LYST: variants seen among roughly 807,000 people sequenced by gnomAD.
The protein encoded by LYST is lysosomal-trafficking regulator.
A neutral mutation model predicts 413.6 loss-of-function variants in LYST; 192 were observed. That is an observed-to-expected ratio of 0.46 (90% confidence interval 0.41 to 0.52). The LOEUF (loss-of-function observed/expected upper bound fraction) is 0.52. LYST is among the 20% of genes least tolerant of loss of function. The probability of loss-of-function intolerance (pLI) is 0.00; values close to 1 mark genes in which losing one functional copy is unlikely to be tolerated. For missense variants in LYST, 3,815 were observed against 4,499.9 expected (o/e 0.85, Z 4.35); for synonymous variants, 1,525 against 1,567.3 (o/e 0.97, Z 0.64).
intron 1 of LYST, among the ~76,000 whole-genome samples, chr1:235,858,060 T>C (rs7550178): frequency 0.062 from 9,368 of 152,252 alleles, 961 homozygotes; most frequent in African/African-American, 0.21. Context: ...ACAGAAGCTA[T>C]ATATTCTGGG....
chr1:235,668,026 T>G (rs1658638956), intron 50 of LYST, among the ~76,000 whole-genome samples: 1 of 152,116 alleles, frequency 6.6e-6, no homozygotes, highest in Admixed American at 6.6e-5. Flanking sequence ...AAGTGCTATA[T>G]AAATAGTTGT....
At chr1:235,679,354 T>C (rs1659630107) in intron 48 of LYST, among the ~76,000 whole-genome samples, 1 of 152,094 alleles carries the variant, frequency 6.6e-6, no homozygotes, top group Admixed American at 6.6e-5. Context: ...AATTCCCTGC[T>C]CTAAAGGACC....
At chr1:235,849,377 A>G (rs1390277953) in intron 1 of LYST, among the ~76,000 whole-genome samples, 1 of 152,172 alleles carries the variant, frequency 6.6e-6, no homozygotes, top group Non-Finnish European at 1.5e-5. Context: ...TAATGTAATA[A>G]AAGCCCTCTA....
At chr1:235,663,733 C>T (rs555793172) in intron 52 of LYST, among the ~76,000 whole-genome samples, 1 of 152,286 alleles carries the variant, frequency 6.6e-6, no homozygotes, top group South Asian at 2.1e-4. Flanking sequence ...CTCTATGATT[C>T]CAGAGACACA....
intron 50 of LYST, among the ~76,000 whole-genome samples, chr1:235,672,280 C>G (rs766281686): frequency 6.6e-5 from 10 of 152,036 alleles, no homozygotes; most frequent in Non-Finnish European, 1.3e-4. Context: ...AGGGAATAAC[C>G]ATGACTTTGG....
chr1:235,793,022 T>C (rs1182843778), intron 11 of LYST, among the ~76,000 whole-genome samples: 1 of 152,164 alleles, frequency 6.6e-6, no homozygotes, highest in Non-Finnish European at 1.5e-5. Flanking sequence ...TTTTCTGTCT[T>C]ATTTGCTTAT....
intron 28 of LYST, among the ~76,000 whole-genome samples, chr1:235,749,028 A>G (rs1666199820): frequency 6.6e-6 from 1 of 152,182 alleles, no homozygotes; most frequent in South Asian, 2.1e-4. Flanking sequence ...ACACCTAAAC[A>G]TTTATCAGTA....
At chr1:235,728,697 C>T (rs866360076) in intron 37 of LYST, among the ~76,000 whole-genome samples, 3 of 152,198 alleles carry the variant, frequency 2.0e-5, no homozygotes, top group East Asian at 1.9e-4. Context: ...TCTGAGGTTC[C>T]GCCCCCTGCA....
At chr1:235,785,787 T>C (rs1473212069) in intron 14 of LYST, among the ~76,000 whole-genome samples, 1 of 152,216 alleles carries the variant, frequency 6.6e-6, no homozygotes, top group African/African-American at 2.4e-5. Flanking sequence ...CTATCTTCTT[T>C]CATGCTACTT....
chr1:235,868,083 C>G (rs961750033), upstream of LYST, among the ~76,000 whole-genome samples: 4 of 152,296 alleles, frequency 2.6e-5, no homozygotes, highest in East Asian at 7.7e-4. Flanking sequence ...AATATGTCTT[C>G]TCTGACGTCT....
rs1658035676 is a variant in LYST, at chr1:235,661,367, C to T, written c.*1573G>A. ...AAAGTTCTCAGTAAAAAAATGAAAGCTAGACAATAGCTGCAATTTTTTGTT... is the reference window on the plus strand; with the variant it reads ...AAAGTTCTCAGTAAAAAAATGAAAGTTAGACAATAGCTGCAATTTTTTGTT... On this transcript the variant is annotated 3_prime_UTR_variant, in exon 53 of 53. Coordinates refer to ENST00000389793, the MANE Select transcript of LYST (RefSeq NM_000081.4). The T allele has an allele frequency of 6.6e-6, 1 of 152,432 alleles. No homozygotes were observed. Among genetic ancestry groups the T allele is most frequent in the Non-Finnish European group, 1.5e-5 (1 of 67,996 alleles). The allele number at this position is 152,432 out of a possible 1,614,324, so 9.4% of individuals were successfully genotyped here.
Position 235,694,958 on chromosome 1 carries a change from C to T in LYST, c.10565-1472G>A, listed in dbSNP as rs187337798. ...CAGCATGTATAAGCTTGGACTCAAG[C>T]CCCAGAGATTCTGATGCAGTGTGTC... On this transcript the variant is annotated intron_variant, in intron 46 of 52. Transcript: ENST00000389793. Among the ~76,000 whole-genome samples, 294 of 152,268 alleles carry T rather than the reference C, an allele frequency of 1.9e-3. 1 individual carries two copies. The highest frequency in any genetic ancestry group is 3.3e-3 in the Non-Finnish European group (223 of 68,024).
chr1:235,823,837 T>C (rs1213983766), intron 3 of LYST, among the ~76,000 whole-genome samples: 3 of 152,238 alleles, frequency 2.0e-5, no homozygotes, highest in Non-Finnish European at 2.9e-5. Context: ...ATTCACCAAA[T>C]ACTTTTTACA....
intron 1 of LYST, among the ~76,000 whole-genome samples, chr1:235,860,238 CAG>C (rs1461628075): frequency 6.6e-6 from 1 of 152,112 alleles, no homozygotes; most frequent in Non-Finnish European, 1.5e-5. Flanking sequence ...GAGGCAATTA[CAG>C]AGTTTCCATG....
rs776813549 is a variant in LYST, at chr1:235,775,101, G to T, written c.5461-15C>A. On this transcript the variant is annotated splice_polypyrimidine_tract_variant and intron_variant, in intron 17 of 52. Transcript: ENST00000389793. Reference sequence around the variant, plus strand: ...AGTTCAACAACCTAAAAAAAAAAATGGGTGGATATAGTTTTCTCCCAATTT... The same window carrying T: ...AGTTCAACAACCTAAAAAAAAAAATTGGTGGATATAGTTTTCTCCCAATTT... 1.3e-5 allele frequency: 21 copies of T among 1,570,792 alleles called. No individual in the cohort carries two copies. The highest frequency in any genetic ancestry group is 1.6e-5 in the Non-Finnish European group (18 of 1,145,588).
intron 50 of LYST, among the ~76,000 whole-genome samples, chr1:235,675,472 G>A (rs1325450303): frequency 3.3e-5 from 5 of 152,098 alleles, no homozygotes; most frequent in African/African-American, 4.8e-5. Context: ...TCGGTCGGTC[G>A]GACGCAGGCA....
chr1:235,780,931 A>C lies in LYST; in HGVS notation c.5148T>G (p.Ile1716Met), dbSNP rs1314028242. 1 of 1,593,608 alleles carries C rather than the reference A, an allele frequency of 6.3e-7. No homozygotes were observed. The highest frequency in any genetic ancestry group is 8.6e-7 in the Non-Finnish European group (1 of 1,166,024). Reference protein sequence around the residue: ...NDYSKYINKEILRCEQIRELF... With the variant: ...NDYSKYINKEMLRCEQIRELF... ...GTTCTCTGATTTGTTCACATCGCAA[A>C]ATTTCTTTATTAATATATTTGGAGT... Residue 1716 changes from isoleucine to methionine, a missense_variant, in exon 16 of 53, where the codon ATT (isoleucine) becomes ATG (methionine). By Grantham distance (10) the Ile-to-Met change is conservative. Transcript: ENST00000389793.
Position 235,662,850 on chromosome 1 carries a change from T to G in LYST, c.*90A>C. On this transcript the variant is annotated 3_prime_UTR_variant, in exon 53 of 53. Transcript: ENST00000389793. ...TTTGGATGGTTTGTCCAGTCATCCA[T>G]TTCTTTAGGTTCAACCTCCTAAAAC... 1 of 804,014 alleles carries G rather than the reference T, an allele frequency of 1.2e-6. No individual in the cohort carries two copies. Among genetic ancestry groups the G allele is most frequent in the Middle Eastern group, 2.2e-4 (1 of 4,496 alleles). 49.8% of individuals were successfully genotyped at this position (804,014 alleles called of 1,614,324 possible). A position where few individuals can be genotyped will look rare whatever the true frequency, so the allele number is the denominator to read the frequency against.
rs1231281242 is a variant in LYST, at chr1:235,854,103, G to A, written c.-98+12740C>T. ...ACATCCCTCCTCAAAAGAGACCTTT[G>A]GATTTTTATAGCATGATGATGATGA... On this transcript the variant is annotated intron_variant, in intron 1 of 52. Transcript: ENST00000389793. The surrounding 1 kb of genome is among the most constrained non-coding windows in gnomAD (Gnocchi z 4.1). Among the ~76,000 whole-genome samples the A allele has an allele frequency of 6.6e-6, 1 of 152,028 alleles. No homozygotes were observed. Among genetic ancestry groups the A allele is most frequent in the Non-Finnish European group, 1.5e-5 (1 of 67,992 alleles).
Sources: allele counts gnomAD v4.1 joint callset (sites outside exome capture counted in the v4.1 genomes callset), GRCh38; gene constraint gnomAD v4.1.1; non-coding constraint Gnocchi (gnomAD v3.1); transcripts MANE v1.5; gene names NCBI Gene and HGNC (gene_info 2026-07-23, HGNC 2026-07-21).